HS3ST4: variants seen among roughly 807,000 people sequenced by gnomAD.
HS3ST4 encodes the protein heparan sulfate-glucosamine 3-sulfotransferase 4.
In HS3ST4, 17 loss-of-function variants were observed where a neutral mutation model predicts 29.2. The ratio of observed to expected loss-of-function variants is 0.58; its 90% CI spans 0.40 to 0.87. HS3ST4 has a LOEUF of 0.87. Among genes scored for constraint, HS3ST4 ranks in the 40% least tolerant of loss-of-function variants. The probability of loss-of-function intolerance (pLI) is 0.00; values close to 1 mark genes in which losing one functional copy is unlikely to be tolerated. For synonymous variants in HS3ST4, 314 were observed against 285.7 expected (o/e 1.10, Z -1.00); for missense variants, 627 against 634.5 (o/e 0.99, Z 0.13).
At chr16:25,695,239 C>T (rs1244215187) in intron 1 of HS3ST4, among the ~76,000 whole-genome samples, 2 of 152,188 alleles carry the variant, frequency 1.3e-5, no homozygotes, top group Non-Finnish European at 1.5e-5. Context: ...CTGGTCCTCA[C>T]TTAAGGGGAC....
chr16:25,920,863 C>T (rs1246064943), intron 1 of HS3ST4, among the ~76,000 whole-genome samples: 1 of 152,040 alleles, frequency 6.6e-6, no homozygotes, highest in Non-Finnish European at 1.5e-5. Context: ...AGTGACCTGC[C>T]TGCCTTGGCC....
intron 1 of HS3ST4, among the ~76,000 whole-genome samples, chr16:25,923,810 T>C (rs1385509041): frequency 6.6e-6 from 1 of 152,146 alleles, no homozygotes; most frequent in Non-Finnish European, 1.5e-5. Flanking sequence ...TGAGCTGGGC[T>C]TCAGGCGTTG....
rs559517520 is a variant in HS3ST4 at position 26,093,270 on chromosome 16, G to A, written c.735-42342G>A. 4.0e-3 allele frequency among the ~76,000 whole-genome samples: 611 copies of A among 152,288 alleles called. 1 individual carries two copies. The highest frequency in any genetic ancestry group is 0.013 in the African/African-American group (527 of 41,580). On this transcript the variant is annotated intron_variant, in intron 1 of 1. Coordinates refer to ENST00000331351, the MANE Select transcript of HS3ST4 (RefSeq NM_006040.3). ...AACATGGCGTTTGAGCACTGAGAAC[G>A]GACAGACTGCCTCCTCAAGTGGGTC...
rs1398079064 is a variant in HS3ST4 at position 26,081,262 on chromosome 16, G to A, written c.735-54350G>A. ...AGATTTCATCACTGCACTCCGGCCTGGGCAATGGGAGTGAAATCCTGTCTC... is the reference window on the plus strand; with the variant it reads ...AGATTTCATCACTGCACTCCGGCCTAGGCAATGGGAGTGAAATCCTGTCTC... On this transcript the variant is annotated intron_variant, in intron 1 of 1. Transcript: ENST00000331351. Among the ~76,000 whole-genome samples, 3 of 149,970 alleles carry A rather than the reference G, an allele frequency of 2.0e-5. No individual in the cohort carries two copies. The South Asian group carries it at 6.4e-4, about 32-fold the overall frequency.
At chr16:25,866,973 A>G (rs1238742474) in intron 1 of HS3ST4, among the ~76,000 whole-genome samples, 3 of 152,304 alleles carry the variant, frequency 2.0e-5, no homozygotes, top group East Asian at 1.9e-4. Context: ...CAAGTCTTAT[A>G]TTCACTACTT....
chr16:25,957,567 G>A (rs1968749511), intron 1 of HS3ST4, among the ~76,000 whole-genome samples: 1 of 152,056 alleles, frequency 6.6e-6, no homozygotes, highest in Non-Finnish European at 1.5e-5. Flanking sequence ...ATAGGCATAG[G>A]CCACCACTCA....
intron 1 of HS3ST4, among the ~76,000 whole-genome samples, chr16:26,009,065 A>G (rs1482071372): frequency 6.6e-6 from 1 of 152,128 alleles, no homozygotes; most frequent in Admixed American, 6.5e-5. Flanking sequence ...CGTTATTGTC[A>G]TGTGGTCTTA....
At chr16:25,736,283 G>GT (rs1452814431) in intron 1 of HS3ST4, among the ~76,000 whole-genome samples, 1 of 152,308 alleles carries the variant, frequency 6.6e-6, no homozygotes, top group African/African-American at 2.4e-5. Flanking sequence ...TCTGCAGTGT[G>GT]GCTTTGGCCT....
At position 26,017,916 on chromosome 16, in the gene HS3ST4, A is replaced by G. The variant is rs570278850; in HGVS notation, c.735-117696A>G. ...ATGACAAGGACTGTCTGTACAGGGC[A>G]GAGAGGAACTTCCTACATGAATTTT... On this transcript the variant is annotated intron_variant, in intron 1 of 1. Transcript: ENST00000331351. Among the ~76,000 whole-genome samples, 12 of 152,314 alleles carry G rather than the reference A, an allele frequency of 7.9e-5. No homozygotes were observed. The South Asian group carries it at 2.1e-3, about 26-fold the overall frequency.
chr16:25,824,160 A>G (rs1467846255), intron 1 of HS3ST4, among the ~76,000 whole-genome samples: 2 of 152,166 alleles, frequency 1.3e-5, no homozygotes, highest in East Asian at 1.9e-4. Context: ...AAGGGAAGAC[A>G]CAGAAACAGG....
intron 1 of HS3ST4, among the ~76,000 whole-genome samples, chr16:25,963,651 T>A (rs1051930205): frequency 7.2e-5 from 11 of 152,252 alleles, no homozygotes; most frequent in Admixed American, 6.5e-4. Flanking sequence ...CATCATCAAA[T>A]AATTTAGTCT....
chr16:26,094,941 C>CAA (rs368226714), intron 1 of HS3ST4, among the ~76,000 whole-genome samples: 146 of 142,920 alleles, frequency 1.0e-3, no homozygotes, highest in African/African-American at 7.3e-4. Context: ...AAATGGAAAG[C>CAA]AAAAAAAAGC....
chr16:26,117,659 C>T (rs1899217891), intron 1 of HS3ST4, among the ~76,000 whole-genome samples: 2 of 152,178 alleles, frequency 1.3e-5, no homozygotes, highest in South Asian at 4.1e-4. Context: ...TATCTGGTAG[C>T]AATGAGATGG....
chr16:25,961,760 T>C (rs1968794884), intron 1 of HS3ST4, among the ~76,000 whole-genome samples: 1 of 152,140 alleles, frequency 6.6e-6, no homozygotes, highest in Non-Finnish European at 1.5e-5. Context: ...ACAGGTAGAT[T>C]GTGGAACTTG....
chr16:26,124,160 T>A (rs1899312549), intron 1 of HS3ST4, among the ~76,000 whole-genome samples: 2 of 152,170 alleles, frequency 1.3e-5, no homozygotes, highest in South Asian at 4.1e-4. Context: ...CCTCAGGTGA[T>A]CCACCCGCCT....
intron 1 of HS3ST4, among the ~76,000 whole-genome samples, chr16:26,097,615 A>G (rs180867156): frequency 6.6e-6 from 1 of 152,364 alleles, no homozygotes; most frequent in Non-Finnish European, 1.5e-5. Context: ...TGTTAGACCC[A>G]AAACTGTAGA....
chr16:26,082,685 T>A (rs916045235), intron 1 of HS3ST4, among the ~76,000 whole-genome samples: 1 of 152,184 alleles, frequency 6.6e-6, no homozygotes, highest in Non-Finnish European at 1.5e-5. Flanking sequence ...TAAGAGCTGA[T>A]ACCTGATTTT....
intron 1 of HS3ST4, among the ~76,000 whole-genome samples, chr16:25,873,657 C>T (rs1967793444): frequency 3.3e-5 from 2 of 59,860 alleles, no homozygotes; most frequent in African/African-American, 5.9e-5. Flanking sequence ...TCCATCCGTC[C>T]GTCCATCCAT....
At position 25,873,417 on chromosome 16, in the gene HS3ST4, C is replaced by CCCATCCATCCATTTGT. The variant is rs67233969; in HGVS notation, c.734+180279_734+180280insTGTCCATCCATCCATT. ...ATCCATCCATCCATCCATCCATCCACCCATCCATCCATTAATCCATCCATC... is the reference window on the plus strand; with the variant it reads ...ATCCATCCATCCATCCATCCATCCACCCATCCATCCATTTGTCCATCCATCCATTAATCCATCCATC... On this transcript the variant is annotated intron_variant, in intron 1 of 1. Coordinates refer to ENST00000331351, the MANE Select transcript of HS3ST4 (RefSeq NM_006040.3). 5.5e-3 allele frequency among the ~76,000 whole-genome samples: 571 copies of CCCATCCATCCATTTGT among 103,252 alleles called. 9 individuals are homozygous for CCCATCCATCCATTTGT. The highest frequency in any genetic ancestry group is 0.012 in the African/African-American group (309 of 26,214). The allele number at this position is 103,252 out of a possible 152,430, so 67.7% of individuals were successfully genotyped here.
Sources: allele counts gnomAD v4.1 joint callset (sites outside exome capture counted in the v4.1 genomes callset), GRCh38; gene constraint gnomAD v4.1.1; transcripts MANE v1.5; gene names NCBI Gene and HGNC (gene_info 2026-07-23, HGNC 2026-07-21).